Variants in STK32B observed in about 807,000 individuals in gnomAD.
STK32B encodes the protein serine/threonine-protein kinase 32B.
STK32B carries 43 observed loss-of-function variants against 52.6 expected under a neutral mutation model. That is an observed-to-expected ratio of 0.82 (90% CI 0.64 to 1.05). The LOEUF (loss-of-function observed/expected upper bound fraction) is 1.05. STK32B is among the 50% of genes least tolerant of loss of function. The pLI, the probability that STK32B is intolerant of heterozygous loss-of-function variation, is 0.00. For synonymous variants in STK32B, 238 were observed against 204.3 expected, an observed-to-expected ratio of 1.17 and a Z score of -1.41; for missense variants, 621 against 534.6, an observed-to-expected ratio of 1.16 and a Z score of -1.59.
At chr4:5,459,107 G>A (rs1716814504) in intron 8 of STK32B, among the ~76,000 whole-genome samples, 1 of 152,166 alleles carries the variant, frequency 6.6e-6, no homozygotes, top group Admixed American at 6.5e-5. Flanking sequence ...CCACTGTTTT[G>A]GGACAGCCCC....
intron 4 of STK32B, among the ~76,000 whole-genome samples, chr4:5,388,386 G>A (rs1049588101): frequency 2.6e-5 from 4 of 152,178 alleles, no homozygotes; most frequent in African/African-American, 7.2e-5. Context: ...TTGACATACA[G>A]TATTTCATTT....
intron 4 of STK32B, among the ~76,000 whole-genome samples, chr4:5,362,516 T>C (rs749992996): frequency 6.6e-6 from 1 of 152,052 alleles, no homozygotes; most frequent in Non-Finnish European, 1.5e-5. Flanking sequence ...TACAAGAAAT[T>C]AGTGACACAG....
intron 6 of STK32B, among the ~76,000 whole-genome samples, chr4:5,421,190 T>C (rs1427512991): frequency 6.7e-6 from 1 of 149,742 alleles, no homozygotes; most frequent in Admixed American, 6.6e-5. Flanking sequence ...CCTGGGTTCA[T>C]GCCATTCTCC....
intron 4 of STK32B, among the ~76,000 whole-genome samples, chr4:5,360,966 C>T (rs1430139754): frequency 2.6e-5 from 4 of 152,194 alleles, no homozygotes; most frequent in Non-Finnish European, 5.9e-5. Flanking sequence ...AATTCTGTAT[C>T]CACTAAACAA....
chr4:5,163,573 TGTGTGTGTAA>T (rs1246360291), intron 2 of STK32B, among the ~76,000 whole-genome samples: 5 of 145,708 alleles, frequency 3.4e-5, no homozygotes, highest in African/African-American at 1.1e-4. Flanking sequence ...TGTGTGTGTG[TGTGTGTGTAA>T]GAGAGAGAGA....
intron 1 of STK32B, among the ~76,000 whole-genome samples, chr4:5,122,998 G>A (rs1306926405): frequency 6.6e-6 from 1 of 152,084 alleles, no homozygotes; most frequent in Admixed American, 6.5e-5. Context: ...TGGCTGTGGA[G>A]CCCAAATCCC....
At chr4:5,131,484 CTCA>C (rs910458303) in intron 1 of STK32B, among the ~76,000 whole-genome samples, 16 of 152,208 alleles carry the variant, frequency 1.1e-4, no homozygotes, top group African/African-American at 3.1e-4. Flanking sequence ...GTAGTACTTT[CTCA>C]TCATGTTTGA....
chr4:5,310,205 A>T (rs557356487), intron 3 of STK32B, among the ~76,000 whole-genome samples: 5 of 152,220 alleles, frequency 3.3e-5, no homozygotes, highest in African/African-American at 1.2e-4. Flanking sequence ...TCAACCTAAA[A>T]ACCTTCTGTA....
At chr4:5,210,691 T>C (rs532525665) in intron 3 of STK32B, among the ~76,000 whole-genome samples, 1 of 152,280 alleles carries the variant, frequency 6.6e-6, no homozygotes, top group African/African-American at 2.4e-5. Context: ...AACAGATAAA[T>C]GGGCATTTAA....
chr4:5,306,317 T>C (rs11736559), intron 3 of STK32B, among the ~76,000 whole-genome samples: 32,344 of 152,034 alleles, frequency 0.21, 6,572 homozygotes, highest in African/African-American at 0.54. Flanking sequence ...AAGTCCCCCA[T>C]TATTATTGCA....
chr4:5,052,429 T>C (rs994810112), intron 1 of STK32B, among the ~76,000 whole-genome samples: 1 of 152,126 alleles, frequency 6.6e-6, no homozygotes, highest in Admixed American at 6.5e-5. Context: ...TTTTCTTTGC[T>C]AAACTCTGTG....
the STK32B span, among the ~76,000 whole-genome samples, chr4:5,044,642 A>T: frequency 6.6e-6 from 1 of 152,202 alleles, no homozygotes; most frequent in African/African-American, 2.4e-5. Context: ...ATGCCGGCTC[A>T]TGCCTGTCAT....
rs994684254 is a variant in STK32B at position 5,395,871 on chromosome 4, C to G, written c.435-2336C>G. ...AACAGAACAGCCCCTTTCCTTGGCT[C>G]TGTGGGGTCTAGGGACCAAGGTGGC... On this transcript the variant is annotated intron_variant, in intron 4 of 11. Transcript: ENST00000282908. This position sits in a 1 kb window ranked among gnomAD's most constrained non-coding sequence, Gnocchi z 4.4. Among the ~76,000 whole-genome samples, 4 of 152,216 alleles carry G rather than the reference C, an allele frequency of 2.6e-5. No individual in the cohort carries two copies. Among genetic ancestry groups the G allele is most frequent in the African/African-American group, 4.8e-5 (2 of 41,470 alleles).
At chr4:5,307,998 G>A (rs1005853759) in intron 3 of STK32B, among the ~76,000 whole-genome samples, 15 of 152,170 alleles carry the variant, frequency 9.9e-5, no homozygotes, top group African/African-American at 2.9e-4. Context: ...TTTCTCAGCC[G>A]TGGACATGAG....
intron 1 of STK32B, among the ~76,000 whole-genome samples, chr4:5,059,421 G>A (rs1294615336): frequency 1.3e-5 from 2 of 152,048 alleles, no homozygotes; most frequent in African/African-American, 2.4e-5. Context: ...ATTGTTAATG[G>A]CAGTTGAATG....
intron 1 of STK32B, among the ~76,000 whole-genome samples, chr4:5,114,768 G>A (rs186764790): frequency 4.1e-4 from 63 of 152,224 alleles, no homozygotes; most frequent in African/African-American, 1.3e-3. Context: ...TGTTCCTCCC[G>A]CAGGGGCCAT....
intron 4 of STK32B, among the ~76,000 whole-genome samples, chr4:5,381,017 G>A (rs1181190453): frequency 3.3e-5 from 5 of 152,146 alleles, no homozygotes; most frequent in Admixed American, 6.5e-5. Flanking sequence ...AAATGACCAC[G>A]CTGATCATTT....
At chr4:5,036,364 C>T in the STK32B span, among the ~76,000 whole-genome samples, 1 of 152,324 alleles carries the variant, frequency 6.6e-6, no homozygotes, top group Middle Eastern at 3.4e-3. Flanking sequence ...CACTGGAAAT[C>T]ATCATCCTCG....
At position 5,481,708 on chromosome 4, in the gene STK32B, A is replaced by G. The variant is rs554322845; in HGVS notation, c.1106+13638A>G. ...GCCTAGTTTTTCTTCTAGGGTTTTTATGGTTTTAGGTCTAACATTTAAGTC... is the reference window on the plus strand; with the variant it reads ...GCCTAGTTTTTCTTCTAGGGTTTTTGTGGTTTTAGGTCTAACATTTAAGTC... On this transcript the variant is annotated intron_variant, in intron 11 of 11. Coordinates refer to ENST00000282908, the MANE Select transcript of STK32B (RefSeq NM_018401.3). 1.1e-3 allele frequency among the ~76,000 whole-genome samples: 160 copies of G among 152,220 alleles called. 1 individual carries two copies. The highest frequency in any genetic ancestry group is 3.8e-3 in the African/African-American group (156 of 41,536).
Sources: gnomAD v4.1 joint callset for allele counts (sites outside exome capture counted in the v4.1 genomes callset) on GRCh38, gnomAD v4.1.1 for gene constraint, Gnocchi (gnomAD v3.1) non-coding constraint, MANE v1.5 for transcripts, NCBI Gene and HGNC (gene_info 2026-07-23, HGNC 2026-07-21) for gene names.